NMT1: variants seen among roughly 807,000 people sequenced by gnomAD.
The protein encoded by NMT1 is glycylpeptide N-tetradecanoyltransferase 1.
Under a neutral mutation model 63.4 loss-of-function variants are expected in NMT1, and 12 were observed. The observed-to-expected ratio is 0.19, with a 90% CI of 0.12 to 0.31. The LOEUF (loss-of-function observed/expected upper bound fraction) is 0.31. Ranked by LOEUF, NMT1 falls within the 10% of genes least tolerant of loss-of-function variation. The pLI, the probability that NMT1 is intolerant of heterozygous loss-of-function variation, is 1.00. For synonymous variants in NMT1, 228 were observed against 234.3 expected, an observed-to-expected ratio of 0.97 and a Z score of 0.25; for missense variants, 432 against 634.6, an observed-to-expected ratio of 0.68 and a Z score of 3.43.
intron 2 of NMT1, 54 bp downstream of exon 2, chr17:45,081,806 T>A: frequency 7.4e-7 from 1 of 1,344,146 alleles, no homozygotes; most frequent in Non-Finnish European, 1.0e-6. Flanking sequence ...CATGAGAGAG[T>A]TTTGAGGTGA....
At chr17:45,062,960 A>T (rs961826769) in intron 1 of NMT1, among the ~76,000 whole-genome samples, 5 of 152,000 alleles carry the variant, frequency 3.3e-5, no homozygotes, top group Non-Finnish European at 7.4e-5. Flanking sequence ...CATGCCTGTA[A>T]TCCCAGTACT....
In NMT1 at chr17:45,108,655, G is replaced by A. The variant is rs550593694; in HGVS notation, c.*3016G>A. On this transcript the variant is annotated 3_prime_UTR_variant, in exon 12 of 12. Coordinates refer to ENST00000258960, the MANE Select transcript of NMT1 (RefSeq NM_021079.5). ...GGGAGGGAGCAGGAGTGTCCCTCCC[G>A]TCAGTGCCTACCCACCTGTGAGGCA... is the stretch of plus-strand genomic sequence containing the variant. The A allele has an allele frequency of 2.0e-5, 3 of 152,638 alleles. No individual in the cohort carries two copies. The highest frequency in any genetic ancestry group is 2.9e-5 in the Non-Finnish European group (2 of 68,048). 9.5% of individuals were successfully genotyped at this position (152,638 alleles called of 1,614,324 possible).
chr17:45,070,128 G>C (rs1466226790), intron 1 of NMT1, among the ~76,000 whole-genome samples: 2 of 152,146 alleles, frequency 1.3e-5, no homozygotes, highest in African/African-American at 4.8e-5. Flanking sequence ...ACAAGAATTG[G>C]CTCGTTCACC....
intron 2 of NMT1, among the ~76,000 whole-genome samples, chr17:45,084,435 C>T (rs755272977): frequency 6.0e-5 from 9 of 150,760 alleles, no homozygotes; most frequent in Non-Finnish European, 1.2e-4. Context: ...CCTGGGTTCA[C>T]GCCATTCTCC....
rs116374636 is a variant in NMT1, at chr17:45,104,747, C to A, written c.1333-112C>A. 1.9e-3 allele frequency: 2,917 copies of A among 1,536,788 alleles called. 51 individuals are homozygous for A. The African/African-American group carries it at 0.033, about 17-fold the overall frequency. ...GGAAGCAGCGGAGCTTCTGAGGGAA[C>A]CTTGTTCTTGTGGCTGCCCACAGGA... On this transcript the variant is annotated intron_variant, in intron 10 of 11. Coordinates refer to ENST00000258960, the MANE Select transcript of NMT1 (RefSeq NM_021079.5). The surrounding 1 kb of genome is among the most constrained non-coding windows in gnomAD (Gnocchi z 4.2).
At chr17:45,091,882 G>A (rs890802928) in intron 3 of NMT1, among the ~76,000 whole-genome samples, 3 of 152,132 alleles carry the variant, frequency 2.0e-5, no homozygotes, top group South Asian at 2.1e-4. Context: ...TTAGCCAGGC[G>A]TAGTGGCGCA....
At chr17:45,095,598 G>A (rs1307062006) in intron 4 of NMT1, among the ~76,000 whole-genome samples, 2 of 152,030 alleles carry the variant, frequency 1.3e-5, no homozygotes, top group East Asian at 1.9e-4. Context: ...GACTGCCCCC[G>A]CTACAAAAGA....
intron 3 of NMT1, among the ~76,000 whole-genome samples, chr17:45,092,717 AAAAAG>A (rs1333313844): frequency 0.015 from 1,536 of 102,960 alleles, 20 homozygotes; most frequent in African/African-American, 0.061. Flanking sequence ...CAAAAAAAAA[AAAAAG>A]AAAAGAAAAG....
At chr17:45,062,937 G>A (rs115684067) in intron 1 of NMT1, among the ~76,000 whole-genome samples, 1,546 of 152,120 alleles carry the variant, frequency 0.01, 28 homozygotes, top group African/African-American at 0.035. Context: ...AGGAAGGGCC[G>A]GGCATGGTGG....
At chr17:45,102,841 G>C in intron 8 of NMT1, 110 bp from the exon 9 acceptor site, 2 of 1,002,446 alleles carry the variant, frequency 2.0e-6, no homozygotes, top group Non-Finnish European at 2.9e-6. Context: ...GGGGTGCAGG[G>C]AGCCGCCGAA....
At chr17:45,099,257 A>G in intron 7 of NMT1, 148 bp from the exon 8 acceptor site, 2 of 627,428 alleles carry the variant, frequency 3.2e-6, no homozygotes, top group Non-Finnish European at 5.9e-6. Context: ...GGGGAGGGGG[A>G]GGCTGGAGAG....
At position 45,104,987 on chromosome 17, in the gene NMT1, G is replaced by A; in HGVS notation, c.1461G>A (p.Gly487=). The A allele has an allele frequency of 6.2e-7, 1 of 1,614,140 alleles. No homozygotes were observed. The highest frequency in any genetic ancestry group is 8.5e-7 in the Non-Finnish European group (1 of 1,180,032). The part of the protein sequence containing the change: ...YLYNWKCPSM[G]AEKVGLVLQ ...ACAATTGGAAATGCCCCAGCATGGGGGCAGAGAAGGTAGGCGACACATAGC... is the reference window on the plus strand; with the variant it reads ...ACAATTGGAAATGCCCCAGCATGGGAGCAGAGAAGGTAGGCGACACATAGC... Residue 487 remains glycine (G), a synonymous_variant, in exon 11 of 12, where the codon GGG becomes GGA. Transcript: ENST00000258960. The surrounding 1 kb of genome is among the most constrained non-coding windows in gnomAD (Gnocchi z 4.2).
chr17:45,102,848 C>T lies in NMT1; in HGVS notation c.994-103C>T, dbSNP rs144650869. 857 of 1,139,750 alleles carry T rather than the reference C, an allele frequency of 7.5e-4. 1 individual carries two copies. The highest frequency in any genetic ancestry group is 9.6e-4 in the Non-Finnish European group (777 of 812,516). The allele number at this position is 1,139,750 out of a possible 1,614,324, so 70.6% of individuals were successfully genotyped here. ...TATGCACGGGGGTGCAGGGAGCCGC[C>T]GAATGACCAGGGATTCTCTCTTGAG... On this transcript the variant is annotated intron_variant, in intron 8 of 11. Coordinates refer to ENST00000258960, the MANE Select transcript of NMT1 (RefSeq NM_021079.5).
Position 45,096,286 on chromosome 17 carries a change from G to A in NMT1, c.596+1G>A, listed in dbSNP as rs763661063. 1 of 1,612,488 alleles carries A rather than the reference G, an allele frequency of 6.2e-7. No homozygotes were observed. The highest frequency in any genetic ancestry group is 8.5e-7 in the Non-Finnish European group (1 of 1,178,482). On this transcript the variant is annotated splice_donor_variant, in intron 5 of 11. Coordinates refer to ENST00000258960, the MANE Select transcript of NMT1 (RefSeq NM_021079.5). LOFTEE classifies it high-confidence loss of function. ...ATTATTCCCCGGAGTTTCTTTTGTG[G>A]TAAGTTGTGGGGGCTTTCTTGAGGT...
chr17:45,070,304 G>T (rs1159279862), intron 1 of NMT1, among the ~76,000 whole-genome samples: 3 of 151,736 alleles, frequency 2.0e-5, no homozygotes, highest in African/African-American at 7.3e-5. Flanking sequence ...AGGCTGGAGT[G>T]CAGTGGCGTA....
rs73316946 is a variant in NMT1 at position 45,103,895 on chromosome 17, G to A, written c.1332+19G>A. 4 of 1,612,300 alleles carry A rather than the reference G, an allele frequency of 2.5e-6. No individual in the cohort carries two copies. Among genetic ancestry groups the A allele is most frequent in the Non-Finnish European group, 3.4e-6 (4 of 1,179,990 alleles). ...CAAAATGGTGAGGAGCAGACGGGGG[G>A]GTCTCTGGAGATGTGCAGGGAAGAG... is the stretch of plus-strand genomic sequence containing the variant. On this transcript the variant is annotated intron_variant, in intron 10 of 11. Coordinates refer to ENST00000258960, the MANE Select transcript of NMT1 (RefSeq NM_021079.5). The surrounding 1 kb of genome is among the most constrained non-coding windows in gnomAD (Gnocchi z 4.8).
intron 1 of NMT1, among the ~76,000 whole-genome samples, chr17:45,063,733 TAA>T (rs917357286): frequency 4.0e-5 from 6 of 151,898 alleles, no homozygotes; most frequent in African/African-American, 1.2e-4. Flanking sequence ...CCGTCTCCAC[TAA>T]AAATACAAAA....
Position 45,104,012 on chromosome 17 carries a change from G to C in NMT1, c.1332+136G>C. 13 of 1,591,758 alleles carry C rather than the reference G, an allele frequency of 8.2e-6. No individual in the cohort carries two copies. The highest frequency in any genetic ancestry group is 1.1e-5 in the Non-Finnish European group (13 of 1,176,476). On this transcript the variant is annotated intron_variant, in intron 10 of 11. Transcript: ENST00000258960. This position sits in a 1 kb window ranked among gnomAD's most constrained non-coding sequence, Gnocchi z 4.2. ...TCCTCATCTGTTCTGCTTAGGCAGG[G>C]TTCCCGCAGTTTTTAGGCAGAAACT...
At chr17:45,076,424 G>A (rs2053977900) in intron 1 of NMT1, among the ~76,000 whole-genome samples, 1 of 150,714 alleles carries the variant, frequency 6.6e-6, no homozygotes, top group Non-Finnish European at 1.5e-5. Context: ...TCAATACTTG[G>A]TAGCTCAGTG....
Sources: gnomAD v4.1 joint callset for allele counts (sites outside exome capture counted in the v4.1 genomes callset) on GRCh38, gnomAD v4.1.1 for gene constraint, Gnocchi (gnomAD v3.1) non-coding constraint, MANE v1.5 for transcripts, NCBI Gene and HGNC (gene_info 2026-07-23, HGNC 2026-07-21) for gene names.